KLHL7: variants seen among roughly 807,000 people sequenced by gnomAD.
The protein encoded by KLHL7 is kelch-like protein 7.
Under a neutral mutation model 67.4 loss-of-function variants are expected in KLHL7, and 44 were observed. The ratio of observed to expected loss-of-function variants is 0.65; its 90% CI spans 0.51 to 0.84. KLHL7 has a LOEUF of 0.84. KLHL7 is among the 40% of genes least tolerant of loss of function. The pLI is 0.00. For synonymous variants in KLHL7, 252 were observed against 243.3 expected (o/e 1.04, Z -0.33); for missense variants, 362 against 718.1 (o/e 0.50, Z 5.67).
At chr7:23,113,997 C>A (rs559137845) in intron 1 of KLHL7, among the ~76,000 whole-genome samples, 1 of 152,172 alleles carries the variant, frequency 6.6e-6, no homozygotes, top group African/African-American at 2.4e-5. Context: ...ATGTAAGAAG[C>A]TGAAAGGAAA....
intron 6 of KLHL7, among the ~76,000 whole-genome samples, chr7:23,146,230 T>C (rs1211037975): frequency 6.6e-6 from 1 of 152,230 alleles, no homozygotes; most frequent in African/African-American, 2.4e-5. Flanking sequence ...CTTGTTTTCA[T>C]CCCTACCTGC....
chr7:23,111,672 A>G (rs987987091), intron 1 of KLHL7, among the ~76,000 whole-genome samples: 1 of 152,038 alleles, frequency 6.6e-6, no homozygotes, highest in African/African-American at 2.4e-5. Flanking sequence ...AATACAAAAA[A>G]TTAGCCAGGC....
At chr7:23,151,997 G>A in intron 6 of KLHL7, 70 bp from the exon 7 acceptor site, 1 of 1,430,082 alleles carries the variant, frequency 7.0e-7, no homozygotes. Flanking sequence ...TATTATGTCT[G>A]GGTATTTCGT....
intron 1 of KLHL7, among the ~76,000 whole-genome samples, chr7:23,113,902 G>T (rs1782980871): frequency 6.6e-6 from 1 of 152,184 alleles, no homozygotes; most frequent in Non-Finnish European, 1.5e-5. Context: ...GCTACATAGA[G>T]ACCATGCTGT....
chr7:23,109,886 G>C (rs1295720865), intron 1 of KLHL7, among the ~76,000 whole-genome samples: 1 of 152,086 alleles, frequency 6.6e-6, no homozygotes, highest in Non-Finnish European at 1.5e-5. Flanking sequence ...ACTGTTTTCT[G>C]TTTTCTTTTT....
In KLHL7 at chr7:23,126,948, C is replaced by CT. The variant is rs1389999990; in HGVS notation, c.442+1777dup. Among the ~76,000 whole-genome samples, 10 of 152,258 alleles carry CT rather than the reference C, an allele frequency of 6.6e-5. No individual in the cohort carries two copies. In the East Asian group the frequency reaches 1.9e-3, roughly 29 times the overall value. On this transcript the variant is annotated intron_variant, in intron 4 of 10. Transcript: ENST00000339077. ...ATAAAAGGCCAATCTCTAATCCTAC[C>CT]TGTACAGCAGAGACACTCTGGCATG...
At chr7:23,150,499 T>C (rs1784497925) in intron 6 of KLHL7, among the ~76,000 whole-genome samples, 1 of 152,192 alleles carries the variant, frequency 6.6e-6, no homozygotes. Context: ...ATATTATTTA[T>C]TGGAGATCAT....
At chr7:23,122,730 A>G (rs1157121753) in intron 1 of KLHL7, among the ~76,000 whole-genome samples, 1 of 152,202 alleles carries the variant, frequency 6.6e-6, no homozygotes, top group Non-Finnish European at 1.5e-5. Context: ...TCTTCACAAA[A>G]TAATACAATA....
intron 1 of KLHL7, among the ~76,000 whole-genome samples, chr7:23,117,284 C>A (rs1221696615): frequency 6.6e-6 from 1 of 151,764 alleles, no homozygotes; most frequent in African/African-American, 2.4e-5. Flanking sequence ...GTTAGGGTTT[C>A]GCCATGTTGG....
chr7:23,126,087 T>A (rs759049266), intron 4 of KLHL7: 6 of 577,934 alleles, frequency 1.0e-5, no homozygotes, highest in Non-Finnish European at 1.6e-5. Flanking sequence ...GGGGCCATTA[T>A]TAAGTAAAAT....
At chr7:23,131,923 G>C (rs573331446) in intron 4 of KLHL7, among the ~76,000 whole-genome samples, 17 of 151,664 alleles carry the variant, frequency 1.1e-4, no homozygotes, top group Non-Finnish European at 1.9e-4. Context: ...TCTGTGCCTG[G>C]CTTATTTCAC....
At chr7:23,141,296 A>G (rs1203630092) in intron 5 of KLHL7, among the ~76,000 whole-genome samples, 2 of 152,248 alleles carry the variant, frequency 1.3e-5, no homozygotes, top group Non-Finnish European at 2.9e-5. Context: ...GCCCAGTGTA[A>G]TCATAAAGAT....
intron 7 of KLHL7, among the ~76,000 whole-genome samples, chr7:23,165,466 C>A (rs1241054715): frequency 3.9e-5 from 6 of 152,076 alleles, no homozygotes; most frequent in African/African-American, 1.4e-4. Flanking sequence ...TATTTTAGAG[C>A]CAGAAAGGAC....
intron 1 of KLHL7, chr7:23,117,996 A>G (rs372561796): frequency 3.1e-6 from 5 of 1,613,002 alleles, no homozygotes; most frequent in Admixed American, 1.7e-5. Context: ...TCTTTGGGAT[A>G]TAACAAAGAA....
At chr7:23,115,707 G>A (rs1017468597) in intron 1 of KLHL7, among the ~76,000 whole-genome samples, 4 of 151,818 alleles carry the variant, frequency 2.6e-5, no homozygotes, top group African/African-American at 9.7e-5. Context: ...ACCACACCCG[G>A]CTAATTTTTT....
chr7:23,157,754 C>G (rs1003645197), intron 7 of KLHL7, among the ~76,000 whole-genome samples: 4 of 152,172 alleles, frequency 2.6e-5, no homozygotes, highest in African/African-American at 9.7e-5. Context: ...TGTTATGTCA[C>G]TGCATCTCCA....
At chr7:23,143,235 T>C (rs1784249136) in intron 5 of KLHL7, among the ~76,000 whole-genome samples, 1 of 152,212 alleles carries the variant, frequency 6.6e-6, no homozygotes, top group African/African-American at 2.4e-5. Context: ...TAATGATTTG[T>C]AAGTTAAATT....
At chr7:23,159,240 T>C (rs1784790429) in intron 7 of KLHL7, among the ~76,000 whole-genome samples, 1 of 152,198 alleles carries the variant, frequency 6.6e-6, no homozygotes, top group Non-Finnish European at 1.5e-5. Context: ...TGGTAATCAC[T>C]GCAGCCTTAA....
At chr7:23,151,157 G>GTTTTTT (rs1378700987) in intron 6 of KLHL7, among the ~76,000 whole-genome samples, 1 of 50,072 alleles carries the variant, frequency 2.0e-5, no homozygotes, top group African/African-American at 1.4e-4. Context: ...GGCCTGTTTT[G>GTTTTTT]TTTTTTTTTT....
Sources: allele counts gnomAD v4.1 joint callset (sites outside exome capture counted in the v4.1 genomes callset), GRCh38; gene constraint gnomAD v4.1.1; transcripts MANE v1.5; gene names NCBI Gene and HGNC (gene_info 2026-07-23, HGNC 2026-07-21).